The following ASIC2 variants were observed in gnomAD, a reference collection of about 807,000 sequenced individuals.
The protein encoded by ASIC2 is acid-sensing ion channel 2.
A neutral mutation model predicts 57.3 loss-of-function variants in ASIC2; 25 were observed. That is an observed-to-expected ratio of 0.44 (90% confidence interval 0.32 to 0.61). The LOEUF is 0.61. Ranked by LOEUF, ASIC2 falls within the 20% of genes least tolerant of loss-of-function variation. ASIC2 has a pLI of 0.06. For missense variants in ASIC2, 641 were observed against 738.1 expected, an observed-to-expected ratio of 0.87 and a Z score of 1.52; for synonymous variants, 319 against 307.5, an observed-to-expected ratio of 1.04 and a Z score of -0.39.
At chr17:34,146,063 G>C (rs1041429431) in intron 1 of ASIC2, among the ~76,000 whole-genome samples, 3 of 152,204 alleles carry the variant, frequency 2.0e-5, no homozygotes, top group African/African-American at 7.2e-5. Flanking sequence ...TGGGAGAATG[G>C]GTATGGCTCA....
intron 1 of ASIC2, among the ~76,000 whole-genome samples, chr17:33,533,183 T>C (rs1172593060): frequency 6.6e-6 from 1 of 152,028 alleles, no homozygotes; most frequent in African/African-American, 2.4e-5. Context: ...CCATCTCTAC[T>C]AAAAATACAA....
intron 1 of ASIC2, chr17:34,001,221 T>G (rs1390923475): frequency 6.6e-6 from 1 of 152,230 alleles, no homozygotes; most frequent in East Asian, 1.9e-4. Context: ...ACAGACTAGC[T>G]TCAGCAAGTT....
At chr17:33,421,377 C>T (rs539459824) in intron 1 of ASIC2, among the ~76,000 whole-genome samples, 1 of 152,198 alleles carries the variant, frequency 6.6e-6, no homozygotes, top group African/African-American at 2.4e-5. Context: ...CCTTGATGAT[C>T]TGTGTGCACT....
At chr17:33,048,305 G>C (rs2091962878) in intron 3 of ASIC2, among the ~76,000 whole-genome samples, 1 of 152,168 alleles carries the variant, frequency 6.6e-6, no homozygotes, top group African/African-American at 2.4e-5. Flanking sequence ...AGCTGACTAA[G>C]AATCTCTCAT....
intron 1 of ASIC2, among the ~76,000 whole-genome samples, chr17:33,516,984 C>T (rs1914591530): frequency 6.6e-6 from 1 of 152,238 alleles, no homozygotes; most frequent in African/African-American, 2.4e-5. Flanking sequence ...GGTCTGAGGA[C>T]ATCTTATCCC....
chr17:33,656,027 A>G (rs1907064886), intron 1 of ASIC2, among the ~76,000 whole-genome samples: 1 of 152,150 alleles, frequency 6.6e-6, no homozygotes, highest in Admixed American at 6.5e-5. Flanking sequence ...TAGTGGAAGT[A>G]GAAAGGGCCC....
intron 1 of ASIC2, among the ~76,000 whole-genome samples, chr17:33,411,831 C>A (rs953463456): frequency 6.6e-6 from 1 of 152,176 alleles, no homozygotes; most frequent in Non-Finnish European, 1.5e-5. Context: ...TGGATAATCA[C>A]GTCCACTTTA....
chr17:33,625,129 GTCTATCTA>G (rs199907150), intron 1 of ASIC2, among the ~76,000 whole-genome samples: 1,758 of 146,418 alleles, frequency 0.012, 13 homozygotes, highest in Admixed American at 0.03. Context: ...TGGCCTCTCT[GTCTATCTA>G]TCTATCTATC....
At chr17:33,537,003 C>T (rs1224701344) in intron 1 of ASIC2, among the ~76,000 whole-genome samples, 3 of 152,170 alleles carry the variant, frequency 2.0e-5, no homozygotes, top group Non-Finnish European at 4.4e-5. Context: ...CAGAGCGAGA[C>T]CTTGTCTCAA....
In ASIC2 at chr17:33,108,348, C is replaced by A. The variant is rs879474760; in HGVS notation, c.859+3569G>T. 7.2e-5 allele frequency among the ~76,000 whole-genome samples: 11 copies of A among 152,210 alleles called. No individual in the cohort carries two copies. The South Asian group carries it at 8.3e-4, about 11-fold the overall frequency. ...ATATCTCCTGGACTCCTGGGCCTGGCCTCCTTCCTCTGGGGATTGAGAGGT... is the reference window on the plus strand; with the variant it reads ...ATATCTCCTGGACTCCTGGGCCTGGACTCCTTCCTCTGGGGATTGAGAGGT... On this transcript the variant is annotated intron_variant, in intron 2 of 9. Transcript: ENST00000225823.
chr17:33,049,450 T>C (rs540482553), intron 3 of ASIC2, among the ~76,000 whole-genome samples: 35 of 152,354 alleles, frequency 2.3e-4, no homozygotes, highest in South Asian at 8.3e-4. Flanking sequence ...TTACCATTAA[T>C]GGCCTCTTAG....
intron 1 of ASIC2, among the ~76,000 whole-genome samples, chr17:33,157,280 T>C (rs1905031996): frequency 6.6e-6 from 1 of 152,226 alleles, no homozygotes. Context: ...GAAATGATGC[T>C]AAGTTTTATT....
intron 1 of ASIC2, among the ~76,000 whole-genome samples, chr17:33,450,646 A>G (rs952009576): frequency 8.5e-5 from 13 of 152,244 alleles, no homozygotes; most frequent in Non-Finnish European, 1.6e-4. Flanking sequence ...TAGTTGAGAT[A>G]GTAAATTTTA....
At chr17:34,066,490 T>C (rs1909176923) in intron 1 of ASIC2, among the ~76,000 whole-genome samples, 1 of 152,178 alleles carries the variant, frequency 6.6e-6, no homozygotes, top group African/African-American at 2.4e-5. Context: ...TGTGAACCAC[T>C]GATGCAGGTA....
intron 1 of ASIC2, among the ~76,000 whole-genome samples, chr17:33,348,098 TCAAA>T (rs569781797): frequency 1.9e-3 from 292 of 152,226 alleles, no homozygotes; most frequent in African/African-American, 6.5e-3. Context: ...AGGCTCTGTC[TCAAA>T]CAAACAAACA....
At chr17:34,080,821 G>A (rs1909850723) in intron 1 of ASIC2, 1 of 152,182 alleles carries the variant, frequency 6.6e-6, no homozygotes, top group African/African-American at 2.4e-5. Flanking sequence ...GTCCAATATT[G>A]CCAGGCCAGG....
intron 1 of ASIC2, chr17:33,984,171 G>C (rs1337486830): frequency 6.6e-6 from 1 of 152,200 alleles, no homozygotes; most frequent in Non-Finnish European, 1.5e-5. Context: ...TCCAATGGAG[G>C]GGAGTGGACA....
At chr17:33,097,442 G>A (rs2092186891) in intron 2 of ASIC2, among the ~76,000 whole-genome samples, 2 of 152,222 alleles carry the variant, frequency 1.3e-5, no homozygotes, top group African/African-American at 4.8e-5. Flanking sequence ...CGGGGCCATT[G>A]ACTCACGGCT....
chr17:33,837,820 C>G (rs964538220), intron 1 of ASIC2, among the ~76,000 whole-genome samples: 3 of 152,108 alleles, frequency 2.0e-5, no homozygotes, highest in East Asian at 1.9e-4. Context: ...CCCTTCCTGT[C>G]TCATCTTCTA....
Sources: allele counts gnomAD v4.1 joint callset (sites outside exome capture counted in the v4.1 genomes callset), GRCh38; gene constraint gnomAD v4.1.1; transcripts MANE v1.5; gene names NCBI Gene and HGNC (gene_info 2026-07-23, HGNC 2026-07-21).